The following MYT1L variants were observed in gnomAD, a reference collection of about 807,000 sequenced individuals.
MYT1L encodes myelin transcription factor 1 like.
MYT1L carries 12 observed loss-of-function variants against 126.7 expected under a neutral mutation model. That is an observed-to-expected ratio of 0.09 (90% CI 0.06 to 0.15). The LOEUF is 0.15. Ranked by LOEUF, MYT1L falls within the 10% of genes least tolerant of loss-of-function variation. The pLI is 1.00. For synonymous variants in MYT1L, 541 were observed against 604.2 expected (o/e 0.90, Z 1.53); for missense variants, 979 against 1,585.2 (o/e 0.62, Z 6.49).
intron 14 of MYT1L, among the ~76,000 whole-genome samples, chr2:1,900,589 T>G (rs1030752773): frequency 3.3e-5 from 5 of 152,010 alleles, no homozygotes; most frequent in East Asian, 1.9e-4. Flanking sequence ...GTGAGCCCCC[T>G]CGCCCGGCCA....
intron 4 of MYT1L, among the ~76,000 whole-genome samples, chr2:2,015,428 T>G (rs1371435634): frequency 6.6e-6 from 1 of 152,080 alleles, no homozygotes; most frequent in Admixed American, 6.6e-5. Flanking sequence ...AGGCAGCTCC[T>G]CCCGCAGCTG....
chr2:1,845,168 G>A (rs996722713), intron 19 of MYT1L, among the ~76,000 whole-genome samples: 2 of 152,042 alleles, frequency 1.3e-5, no homozygotes, highest in Non-Finnish European at 2.9e-5. Context: ...TAGTAGAGAT[G>A]ACGTTTCATC....
chr2:2,072,547 A>G (rs368369480), intron 3 of MYT1L, among the ~76,000 whole-genome samples: 1 of 152,182 alleles, frequency 6.6e-6, no homozygotes, highest in African/African-American at 2.4e-5. Context: ...TAACCTTGGT[A>G]GCTTACAAAT....
intron 19 of MYT1L, among the ~76,000 whole-genome samples, chr2:1,844,186 T>C (rs1379051069): frequency 6.6e-6 from 1 of 152,080 alleles, no homozygotes; most frequent in East Asian, 1.9e-4. Flanking sequence ...CTCTGTTCCA[T>C]CCCTAGCACA....
chr2:1,997,669 G>T (rs574222465), intron 4 of MYT1L, among the ~76,000 whole-genome samples: 3 of 152,258 alleles, frequency 2.0e-5, no homozygotes, highest in South Asian at 4.1e-4. Flanking sequence ...AGTTCCTGTG[G>T]ACCAGAAGCC....
At chr2:2,238,927 G>A (rs949887152) in intron 2 of MYT1L, among the ~76,000 whole-genome samples, 1 of 152,116 alleles carries the variant, frequency 6.6e-6, no homozygotes, top group African/African-American at 2.4e-5. Flanking sequence ...GTGCCAGGGT[G>A]GGTGGGGCAT....
At chr2:1,792,193 C>T (rs1374102467) in intron 24 of MYT1L, 128 bp downstream of exon 24, 13 of 1,324,324 alleles carry the variant, frequency 9.8e-6, no homozygotes, top group Admixed American at 5.2e-5. Flanking sequence ...GGTATGGTTT[C>T]GGGGTGGTAA....
chr2:2,293,551 A>T (rs1053019278), intron 1 of MYT1L, among the ~76,000 whole-genome samples: 12 of 152,162 alleles, frequency 7.9e-5, no homozygotes, highest in Admixed American at 2.6e-4. Flanking sequence ...ACTTAGAAGA[A>T]CGAAGGCTTC....
At chr2:1,810,568 TCTAGAAACACTCTTTA>T (rs1305283882) in intron 21 of MYT1L, among the ~76,000 whole-genome samples, 1 of 152,218 alleles carries the variant, frequency 6.6e-6, no homozygotes, top group Non-Finnish European at 1.5e-5. Flanking sequence ...TAGTGATATA[TCTAGAAACACTCTTTA>T]CTAGTGCAGG....
At chr2:2,247,077 C>A (rs1254410962) in intron 2 of MYT1L, among the ~76,000 whole-genome samples, 3 of 152,036 alleles carry the variant, frequency 2.0e-5, no homozygotes, top group African/African-American at 7.2e-5. Context: ...TTAAACTCTC[C>A]AATCAAAAGA....
Position 1,911,896 on chromosome 2 carries a change from G to A in MYT1L, c.1709+124C>T, listed in dbSNP as rs547209525. On this transcript the variant is annotated intron_variant, in intron 12 of 24. Coordinates refer to ENST00000647738, the MANE Select transcript of MYT1L (RefSeq NM_001303052.2). The stretch of plus-strand genomic sequence containing the variant: ...CTTTCACTCCCGTGCATTATATGGA[G>A]GTGCCCGCACTTGGGGAGCACGGTG... 3 of 631,386 alleles carry A rather than the reference G, an allele frequency of 4.8e-6. No individual in the cohort carries two copies. The African/African-American group carries it at 5.5e-5, about 12-fold the overall frequency. 39.1% of individuals were successfully genotyped at this position (631,386 alleles called of 1,614,324 possible). A position where few individuals can be genotyped will look rare whatever the true frequency, so the allele number is the denominator to read the frequency against.
At chr2:2,218,587 C>G (rs1321863701) in intron 2 of MYT1L, among the ~76,000 whole-genome samples, 1 of 152,012 alleles carries the variant, frequency 6.6e-6, no homozygotes, top group Admixed American at 6.6e-5. Flanking sequence ...GAGGGAGAGG[C>G]TACAAAGGAG....
At chr2:2,180,368 A>AAT in intron 2 of MYT1L, among the ~76,000 whole-genome samples, 1 of 152,108 alleles carries the variant, frequency 6.6e-6, no homozygotes, top group East Asian at 1.9e-4. Context: ...CTCTTAAAAA[A>AAT]AAAAAAAACA....
intron 18 of MYT1L, among the ~76,000 whole-genome samples, chr2:1,869,326 G>A (rs969690825): frequency 5.3e-5 from 8 of 152,262 alleles, no homozygotes; most frequent in East Asian, 1.9e-4. Context: ...GTTCAGGGAC[G>A]ATGGCGCAGC....
intron 9 of MYT1L, among the ~76,000 whole-genome samples, chr2:1,927,713 G>C (rs867517158): frequency 2.6e-5 from 4 of 152,124 alleles, no homozygotes; most frequent in South Asian, 2.1e-4. Flanking sequence ...AGACTTCCCC[G>C]GGTCGGAGGA....
At chr2:2,190,344 A>T (rs970518816) in intron 2 of MYT1L, among the ~76,000 whole-genome samples, 1 of 151,756 alleles carries the variant, frequency 6.6e-6, no homozygotes, top group African/African-American at 2.4e-5. Context: ...AGTCCCAGCT[A>T]CTCGGGAGGC....
chr2:2,154,367 A>G (rs2086351543), intron 3 of MYT1L, among the ~76,000 whole-genome samples: 1 of 152,232 alleles, frequency 6.6e-6, no homozygotes, highest in Non-Finnish European at 1.5e-5. Flanking sequence ...AGGAATAAAG[A>G]ATAGATACTA....
chr2:2,300,241 T>A (rs1381593484), intron 1 of MYT1L, among the ~76,000 whole-genome samples: 2 of 152,232 alleles, frequency 1.3e-5, no homozygotes, highest in African/African-American at 4.8e-5. Flanking sequence ...TGGATACATG[T>A]GAGTAGAGGC....
chr2:1,814,537 C>T (rs2037329881), intron 21 of MYT1L, among the ~76,000 whole-genome samples: 1 of 152,188 alleles, frequency 6.6e-6, no homozygotes, highest in African/African-American at 2.4e-5. Context: ...TAAAAATGCA[C>T]AGCATAGAAA....
Sources: gnomAD v4.1 joint callset for allele counts (sites outside exome capture counted in the v4.1 genomes callset) on GRCh38, gnomAD v4.1.1 for gene constraint, MANE v1.5 for transcripts, NCBI Gene and HGNC (gene_info 2026-07-23, HGNC 2026-07-21) for gene names.